UNC80: variants seen among roughly 807,000 people sequenced by gnomAD.
The protein encoded by UNC80 is unc-80 subunit of NALCN channel complex.
Under a neutral mutation model 384.6 loss-of-function variants are expected in UNC80, and 164 were observed. The observed-to-expected ratio is 0.43, with a 90% CI of 0.38 to 0.49. The LOEUF (loss-of-function observed/expected upper bound fraction) is 0.49. Ranked by LOEUF, UNC80 falls within the 20% of genes least tolerant of loss-of-function variation. The probability of loss-of-function intolerance (pLI) is 0.00; values close to 1 mark genes in which losing one functional copy is unlikely to be tolerated. For missense variants in UNC80, 3,330 were observed against 4,143.0 expected (o/e 0.80, Z 5.39); for synonymous variants, 1,486 against 1,527.8 (o/e 0.97, Z 0.64).
chr2:209,786,276 A>T, intron 5 of UNC80, 87 bp downstream of exon 5: 1 of 1,472,896 alleles, frequency 6.8e-7, no homozygotes, highest in Non-Finnish European at 9.1e-7. Flanking sequence ...TGCCCCTAAG[A>T]AGTCAAAAAG....
intron 21 of UNC80, among the ~76,000 whole-genome samples, chr2:209,848,411 T>C (rs1469851393): frequency 6.6e-6 from 1 of 152,116 alleles, no homozygotes; most frequent in East Asian, 1.9e-4. Context: ...ATATAGGAAA[T>C]TTCAATAATG....
intron 29 of UNC80, among the ~76,000 whole-genome samples, chr2:209,910,649 CTTTTTT>C (rs540625562): frequency 1.3e-4 from 14 of 104,360 alleles, no homozygotes; most frequent in African/African-American, 4.3e-4. Flanking sequence ...AAATGCTCAT[CTTTTTT>C]TTTTTTTTTT....
At chr2:209,832,094 A>G (rs2081013931) in intron 16 of UNC80, among the ~76,000 whole-genome samples, 1 of 152,192 alleles carries the variant, frequency 6.6e-6, no homozygotes. Context: ...GGGAAGAACC[A>G]GGTTATAAAA....
chr2:209,850,964 T>A (rs2082487877), intron 22 of UNC80, among the ~76,000 whole-genome samples: 1 of 152,092 alleles, frequency 6.6e-6, no homozygotes, highest in East Asian at 1.9e-4. Flanking sequence ...CACATCTTGC[T>A]CTGTTCCCAA....
At position 209,896,372 on chromosome 2, in the gene UNC80, G is replaced by T. The variant is rs943426482; in HGVS notation, c.4540G>T (p.Gly1514Cys). 1.3e-6 allele frequency: 2 copies of T among 1,551,424 alleles called. No individual in the cohort carries two copies. Among genetic ancestry groups the T allele is most frequent in the South Asian group, 2.4e-5 (2 of 84,066 alleles). ...SIEPEGMSNAGAEENYHRNMS... is the reference protein window; with the variant it reads ...SIEPEGMSNACAEENYHRNMS... ...TGAGCCAGAGGGAATGAGTAATGCC[G>T]GCGCGGAGGAGAATTACCACAGAAA... The change falls in exon 28 of 65, where the codon GGC becomes TGC. Residue 1514 changes from glycine (G) to cysteine (C), a missense_variant. Physicochemically the swap from Gly to Cys is radical, Grantham distance 159. Around this residue, in one of 8 missense-constraint regions of UNC80, gnomAD observed 801 missense variants for 950.8 expected, o/e 0.84. Coordinates refer to ENST00000673920, the MANE Select transcript of UNC80 (RefSeq NM_001371986.1).
intron 27 of UNC80, among the ~76,000 whole-genome samples, chr2:209,894,571 G>A: frequency 6.6e-6 from 1 of 152,160 alleles, no homozygotes; most frequent in Non-Finnish European, 1.5e-5. Context: ...TCACTGGAGA[G>A]GCTTGTTAAA....
rs1224327033 is a variant in UNC80, at chr2:209,997,440, T to C, written c.*1845T>C. 6.6e-6 allele frequency: 1 copy of C among 152,220 alleles called. No homozygotes were observed. The highest frequency in any genetic ancestry group is 2.4e-5 in the African/African-American group (1 of 41,460). 9.4% of individuals were successfully genotyped at this position (152,220 alleles called of 1,614,324 possible). A position where few individuals can be genotyped will look rare whatever the true frequency, so the allele number is the denominator to read the frequency against. On this transcript the variant is annotated 3_prime_UTR_variant, in exon 65 of 65. Transcript: ENST00000673920. Reference sequence around the variant, plus strand: ...GTTTGGTAATTACAAGTGTCTGGGCTATTGGCGCGTCTCTATATATGTGTG... The same window carrying C: ...GTTTGGTAATTACAAGTGTCTGGGCCATTGGCGCGTCTCTATATATGTGTG...
intron 21 of UNC80, among the ~76,000 whole-genome samples, chr2:209,843,043 G>A (rs10188289): frequency 0.19 from 28,727 of 151,930 alleles, 3,765 homozygotes; most frequent in African/African-American, 0.36. Context: ...TATCCATTTC[G>A]TGTTCTCTCT....
At position 209,994,258 on chromosome 2, in the gene UNC80, C is replaced by A. The variant is rs937166714; in HGVS notation, c.9702C>A (p.Pro3234=). The change falls in exon 64 of 65, where the codon CCC becomes CCA. Residue 3234 remains proline (P), a synonymous_variant. Transcript: ENST00000673920. ...TTGCGGATCTCCACAGCGTGTCTCC[C>A]AAGCAGGTGAGGGCACTAGAGAAAC... The part of the protein sequence containing the change: ...IVVADLHSVS[P]KQSENFPTEE... 3 of 1,549,174 alleles carry A rather than the reference C, an allele frequency of 1.9e-6. No homozygotes were observed. The Admixed American group carries it at 5.9e-5, about 31-fold the overall frequency.
chr2:209,976,241 G>A lies in UNC80; in HGVS notation c.8710G>A (p.Asp2904Asn), dbSNP rs1176269283. ...AGGCCTGGCCCTTTGGGATTTCCTC[G>A]ACTTCATCGTGCGGACCCGAATACC... is the stretch of plus-strand genomic sequence containing the variant. ...VGGLALWDFLDFIVRTRIPIF... is the reference protein window; with the variant it reads ...VGGLALWDFLNFIVRTRIPIF... The change falls in exon 57 of 65, where the codon GAC becomes AAC. Residue 2904 changes from aspartate to asparagine, a missense_variant. Around this residue, in one of 8 missense-constraint regions of UNC80, gnomAD observed 1,049 missense variants for 1,488.6 expected, o/e 0.70. Transcript: ENST00000673920. This position sits in a 1 kb window ranked among gnomAD's most constrained non-coding sequence, Gnocchi z 4.3. The A allele has an allele frequency of 7.1e-6, 11 of 1,551,560 alleles. No individual in the cohort carries two copies. The highest frequency in any genetic ancestry group is 3.6e-5 in the South Asian group (3 of 84,044).
intron 26 of UNC80, among the ~76,000 whole-genome samples, chr2:209,891,744 A>C (rs2086354931): frequency 6.6e-6 from 1 of 152,156 alleles, no homozygotes; most frequent in Admixed American, 6.6e-5. Flanking sequence ...ATATCCATAA[A>C]ATGTCCTTAA....
chr2:209,959,183 C>T (rs1319509602), intron 50 of UNC80, 29 bp downstream of exon 50: 1 of 1,550,676 alleles, frequency 6.4e-7, no homozygotes, highest in Admixed American at 2.0e-5. Flanking sequence ...TAATTTCATA[C>T]CAGTTCTGAC....
At chr2:209,778,178 G>A (rs982506455) in intron 4 of UNC80, among the ~76,000 whole-genome samples, 1 of 152,186 alleles carries the variant, frequency 6.6e-6, no homozygotes, top group African/African-American at 2.4e-5. Context: ...AGAGGCAGGT[G>A]AATCACTTGA....
At chr2:209,992,295 C>A in intron 62 of UNC80, 48 bp downstream of exon 62, 3 of 1,515,410 alleles carry the variant, frequency 2.0e-6, no homozygotes, top group Non-Finnish European at 1.8e-6. Context: ...GAATTGGAAG[C>A]TCTGTGTGAT....
At chr2:209,836,214 A>C (rs1184291714) in intron 18 of UNC80, among the ~76,000 whole-genome samples, 1 of 152,188 alleles carries the variant, frequency 6.6e-6, no homozygotes, top group Non-Finnish European at 1.5e-5. Flanking sequence ...GGTAGTCTTT[A>C]AGTACATTTA....
Position 209,865,423 on chromosome 2 carries a change from A to G in UNC80, c.3628-7335A>G, listed in dbSNP as rs1238983535. On this transcript the variant is annotated intron_variant, in intron 22 of 64. Coordinates refer to ENST00000673920, the MANE Select transcript of UNC80 (RefSeq NM_001371986.1). ...CGAGACCATCCTGGCTAACACGGTGAAACCCCATCTCTACTAAAAATACAA... is the reference window on the plus strand; with the variant it reads ...CGAGACCATCCTGGCTAACACGGTGGAACCCCATCTCTACTAAAAATACAA... Among the ~76,000 whole-genome samples, 6 of 152,206 alleles carry G rather than the reference A, an allele frequency of 3.9e-5. No homozygotes were observed. The East Asian group carries it at 1.2e-3, about 30-fold the overall frequency.
intron 22 of UNC80, among the ~76,000 whole-genome samples, chr2:209,853,571 T>C (rs1416265091): frequency 6.6e-6 from 1 of 152,106 alleles, no homozygotes; most frequent in Non-Finnish European, 1.5e-5. Context: ...TAAGGCATTT[T>C]TTAAAAGACA....
intron 1 of UNC80, 76 bp downstream of exon 1, chr2:209,772,240 C>A: frequency 1.3e-6 from 1 of 755,716 alleles, no homozygotes; most frequent in Non-Finnish European, 1.8e-6. Context: ...TCGCCGCTGC[C>A]GCCGCCGCCG....
chr2:209,929,999 C>T, intron 37 of UNC80, 28 bp downstream of exon 37: 2 of 1,469,864 alleles, frequency 1.4e-6, no homozygotes, highest in Non-Finnish European at 1.8e-6. Context: ...TTTAGTGTAG[C>T]TCTGTGGCTA....
Sources: gnomAD v4.1 joint callset for allele counts (sites outside exome capture counted in the v4.1 genomes callset) on GRCh38, gnomAD v4.1.1 for gene constraint, gnomAD v4.1.1 regional missense constraint, Gnocchi (gnomAD v3.1) non-coding constraint, MANE v1.5 for transcripts, NCBI Gene and HGNC (gene_info 2026-07-23, HGNC 2026-07-21) for gene names.